PRKG1: variants seen among roughly 807,000 people sequenced by gnomAD.
The protein encoded by PRKG1 is protein kinase cGMP-dependent 1.
In PRKG1, 35 loss-of-function variants were observed where a neutral mutation model predicts 88.1. The observed-to-expected ratio is 0.40, with a 90% CI of 0.30 to 0.53. The LOEUF (loss-of-function observed/expected upper bound fraction) is 0.53, where lower values mean the gene tolerates loss of function less well. Ranked by LOEUF, PRKG1 falls within the 20% of genes least tolerant of loss-of-function variation. The pLI, the probability that PRKG1 is intolerant of heterozygous loss-of-function variation, is 0.59. For missense variants in PRKG1, 540 were observed against 839.8 expected, an observed-to-expected ratio of 0.64 and a Z score of 4.41; for synonymous variants, 303 against 292.5, an observed-to-expected ratio of 1.04 and a Z score of -0.37.
intron 10 of PRKG1, among the ~76,000 whole-genome samples, chr10:52,258,988 C>A (rs1841370586): frequency 1.3e-5 from 2 of 151,866 alleles, no homozygotes; most frequent in South Asian, 4.1e-4. Flanking sequence ...ACATAAAAGG[C>A]CACATGTTGT....
At chr10:52,227,597 T>C (rs1355555085) in intron 9 of PRKG1, among the ~76,000 whole-genome samples, 1 of 152,100 alleles carries the variant, frequency 6.6e-6, no homozygotes, top group Non-Finnish European at 1.5e-5. Flanking sequence ...GATCTGTGGA[T>C]TTTGGTATCC....
At chr10:51,744,996 T>C (rs1017425950) in intron 3 of PRKG1, among the ~76,000 whole-genome samples, 9 of 152,216 alleles carry the variant, frequency 5.9e-5, no homozygotes, top group Non-Finnish European at 1.2e-4. Context: ...AAGTAGACTT[T>C]TATTAGTCCA....
chr10:51,008,100 G>T (rs1195168013), intron 1 of PRKG1, among the ~76,000 whole-genome samples: 2 of 152,068 alleles, frequency 1.3e-5, no homozygotes, highest in Admixed American at 6.5e-5. Context: ...GAGGAAATTG[G>T]GCTTTGTGAA....
intron 9 of PRKG1, among the ~76,000 whole-genome samples, chr10:52,248,156 G>A (rs897090208): frequency 8.5e-5 from 13 of 152,202 alleles, no homozygotes; most frequent in South Asian, 2.1e-4. Context: ...CGGGCCAGGT[G>A]TTCCTGGCCC....
At chr10:51,570,145 T>C (rs532353330) in intron 3 of PRKG1, among the ~76,000 whole-genome samples, 1 of 150,620 alleles carries the variant, frequency 6.6e-6, no homozygotes, top group South Asian at 2.1e-4. Flanking sequence ...TATGTATGTA[T>C]ATACATACAG....
At chr10:51,120,931 T>G (rs1223222079) in intron 1 of PRKG1, among the ~76,000 whole-genome samples, 1 of 152,160 alleles carries the variant, frequency 6.6e-6, no homozygotes. Flanking sequence ...CTCACTAGGC[T>G]ACAATTAAGA....
Position 50,991,384 on chromosome 10 carries a change from C to G in PRKG1, c.6C>G (p.Ser2Arg). The G allele has an allele frequency of 6.5e-7, 1 of 1,530,532 alleles. No homozygotes were observed. Among genetic ancestry groups the G allele is most frequent in the South Asian group, 1.2e-5 (1 of 82,088 alleles). The allele number at this position is 1,530,532 out of a possible 1,614,324, so 94.8% of individuals were successfully genotyped here. ...CGGAGGGGCTCAGTGAAAAAATGAG[C>G]GAGCTAGAGGAAGACTTTGCCAAGA... Residue 2 changes from serine (S) to arginine (R), a missense_variant, in exon 1 of 18, where the codon AGC becomes AGG. Ser to Arg is a moderately radical substitution (Grantham distance 110). Transcript: ENST00000401604. The surrounding 1 kb of genome is among the most constrained non-coding windows in gnomAD (Gnocchi z 4.5).
chr10:51,210,440 G>T (rs1318585107), intron 2 of PRKG1, among the ~76,000 whole-genome samples: 1 of 152,084 alleles, frequency 6.6e-6, no homozygotes, highest in Non-Finnish European at 1.5e-5. Flanking sequence ...TCAAAAGCTA[G>T]CAGAAGGCAA....
rs1274921777 is a variant in PRKG1, at chr10:52,188,279, CATATATATGTGT to C, written c.1076+26325_1076+26336del. Among the ~76,000 whole-genome samples, 162 of 107,324 alleles carry C rather than the reference CATATATATGTGT, an allele frequency of 1.5e-3. 2 individuals carry two copies. The highest frequency in any genetic ancestry group is 0.012 in the East Asian group (48 of 3,872). The allele number at this position is 107,324 out of a possible 152,430, so 70.4% of individuals were successfully genotyped here. On this transcript the variant is annotated intron_variant, in intron 9 of 17. Transcript: ENST00000373980. The stretch of plus-strand genomic sequence containing the variant: ...ATATATATACATATGTATATATATA[CATATATATGTGT>C]ATATATATATGTATATATATACATA...
intron 3 of PRKG1, among the ~76,000 whole-genome samples, chr10:51,738,383 CAAATT>C (rs1250109731): frequency 2.0e-4 from 31 of 152,130 alleles, no homozygotes; most frequent in African/African-American, 7.0e-4. Context: ...CACCTGAGTT[CAAATT>C]CTATTTGTAT....
At chr10:51,957,491 C>G (rs528323139) in intron 5 of PRKG1, among the ~76,000 whole-genome samples, 1 of 151,888 alleles carries the variant, frequency 6.6e-6, no homozygotes, top group Admixed American at 6.6e-5. Context: ...CAGGTTCTCT[C>G]TATGCTGCCC....
At chr10:51,244,529 G>A (rs1839238331) in intron 2 of PRKG1, among the ~76,000 whole-genome samples, 1 of 151,778 alleles carries the variant, frequency 6.6e-6, no homozygotes. Context: ...AGTCTCTATT[G>A]CAAAGAATCC....
intron 5 of PRKG1, among the ~76,000 whole-genome samples, chr10:51,994,199 G>T (rs1189264672): frequency 6.6e-6 from 1 of 152,110 alleles, no homozygotes; most frequent in East Asian, 1.9e-4. Flanking sequence ...CATCTTAGGG[G>T]TATATATTTG....
At chr10:51,089,848 G>A (rs1467890313) in intron 1 of PRKG1, among the ~76,000 whole-genome samples, 1 of 152,132 alleles carries the variant, frequency 6.6e-6, no homozygotes, top group African/African-American at 2.4e-5. Context: ...GTTCTTAAAT[G>A]ATACCACTGT....
At chr10:51,068,248 T>C (rs1843779434) in intron 1 of PRKG1, among the ~76,000 whole-genome samples, 1 of 152,040 alleles carries the variant, frequency 6.6e-6, no homozygotes, top group Non-Finnish European at 1.5e-5. Flanking sequence ...AATTTGAAGC[T>C]AGGTGATATT....
At chr10:52,226,608 C>T (rs1313558794) in intron 9 of PRKG1, among the ~76,000 whole-genome samples, 1 of 152,066 alleles carries the variant, frequency 6.6e-6, no homozygotes, top group African/African-American at 2.4e-5. Context: ...ATACAATAGG[C>T]CAAACCTGCC....
intron 9 of PRKG1, among the ~76,000 whole-genome samples, chr10:52,162,379 C>T (rs574748656): frequency 6.6e-6 from 1 of 151,980 alleles, no homozygotes; most frequent in East Asian, 1.9e-4. Flanking sequence ...TTTGATGTTA[C>T]TAATATGAGA....
chr10:52,059,400 A>G (rs903621916), intron 6 of PRKG1, among the ~76,000 whole-genome samples: 2 of 149,736 alleles, frequency 1.3e-5, no homozygotes, highest in Non-Finnish European at 3.0e-5. Flanking sequence ...AATTGCCAAA[A>G]CTAGAAATAA....
intron 9 of PRKG1, among the ~76,000 whole-genome samples, chr10:52,250,947 G>A (rs985760280): frequency 1.3e-5 from 2 of 151,938 alleles, no homozygotes; most frequent in Non-Finnish European, 2.9e-5. Context: ...CAAGTCAGTG[G>A]GTACACAAAA....
Sources: gnomAD v4.1 joint callset for allele counts (sites outside exome capture counted in the v4.1 genomes callset) on GRCh38, gnomAD v4.1.1 for gene constraint, Gnocchi (gnomAD v3.1) non-coding constraint, MANE v1.5 for transcripts, NCBI Gene and HGNC (gene_info 2026-07-23, HGNC 2026-07-21) for gene names.